The following RAD51B variants were observed in gnomAD, a reference collection of about 807,000 sequenced individuals.
RAD51B encodes the protein RAD51 paralog B, also known as DNA repair protein RAD51 homolog 2.
Under a neutral mutation model 42.2 loss-of-function variants are expected in RAD51B, and 38 were observed. That is an observed-to-expected ratio of 0.90 (90% CI 0.70 to 1.18). RAD51B has a LOEUF of 1.18. Among genes scored for constraint, RAD51B ranks in the 50% most tolerant of loss-of-function variants. RAD51B has a pLI of 0.00. For synonymous variants in RAD51B, 154 were observed against 145.2 expected, an observed-to-expected ratio of 1.06 and a Z score of -0.43; for missense variants, 373 against 400.7, an observed-to-expected ratio of 0.93 and a Z score of 0.59.
chr14:67,842,901 CA>C (rs2140311799), intron 4 of RAD51B, among the ~76,000 whole-genome samples: 1 of 152,266 alleles, frequency 6.6e-6, no homozygotes, highest in Admixed American at 6.5e-5. Context: ...ATTATGTTGA[CA>C]GCTTTTTCTG....
intron 10 of RAD51B, among the ~76,000 whole-genome samples, chr14:68,477,060 A>G (rs949968189): frequency 1.3e-5 from 2 of 152,176 alleles, no homozygotes; most frequent in Non-Finnish European, 2.9e-5. Flanking sequence ...AGGATAAATG[A>G]AGGCAGATGA....
intron 11 of RAD51B, among the ~76,000 whole-genome samples, chr14:68,668,663 G>A (rs1271956272): frequency 6.6e-6 from 1 of 152,236 alleles, no homozygotes; most frequent in Non-Finnish European, 1.5e-5. Flanking sequence ...AGAGCATAAA[G>A]GAATTATGAT....
At chr14:67,898,799 C>T (rs779777535) in intron 7 of RAD51B, among the ~76,000 whole-genome samples, 1 of 152,080 alleles carries the variant, frequency 6.6e-6, no homozygotes, top group Non-Finnish European at 1.5e-5. Flanking sequence ...TCAAGAGGCA[C>T]TTAATTAACT....
intron 10 of RAD51B, chr14:68,470,850 G>C (rs565691180): frequency 7.9e-6 from 3 of 381,058 alleles, no homozygotes; most frequent in African/African-American, 2.0e-5. Context: ...AGCTTTGTCC[G>C]ATCCTCCTAG....
At chr14:68,558,088 C>G (rs1888949991) in intron 10 of RAD51B, among the ~76,000 whole-genome samples, 1 of 152,356 alleles carries the variant, frequency 6.6e-6, no homozygotes, top group Admixed American at 6.5e-5. Context: ...TGTTCTCGTC[C>G]TCTCTCAGTC....
At chr14:68,225,100 C>CT (rs1284649819) in intron 7 of RAD51B, among the ~76,000 whole-genome samples, 1 of 152,066 alleles carries the variant, frequency 6.6e-6, no homozygotes, top group Non-Finnish European at 1.5e-5. Context: ...TTTAGAGAAA[C>CT]TTTTTTTCTA....
At chr14:68,500,056 T>C (rs1884810734) in intron 10 of RAD51B, among the ~76,000 whole-genome samples, 1 of 152,158 alleles carries the variant, frequency 6.6e-6, no homozygotes, top group African/African-American at 2.4e-5. Flanking sequence ...AGGTGAACTT[T>C]CCTAAACGTT....
chr14:68,337,048 T>C (rs978441329), intron 8 of RAD51B, among the ~76,000 whole-genome samples: 2 of 152,242 alleles, frequency 1.3e-5, no homozygotes, highest in African/African-American at 2.4e-5. Context: ...GGTGATTTCA[T>C]TTGTAGTTTA....
chr14:68,358,495 T>C lies in RAD51B; in HGVS notation c.854-52929T>C, dbSNP rs117518890. On this transcript the variant is annotated intron_variant, in intron 8 of 10. Transcript: ENST00000471583. ...CATGACCATCAGCAGTGTTTGTGAA[T>C]TATTGGTCCCCCACACTATTGCCTA... 1.4e-4 allele frequency among the ~76,000 whole-genome samples: 21 copies of C among 152,342 alleles called. No individual in the cohort carries two copies. In the East Asian group the frequency reaches 3.7e-3, roughly 27 times the overall value.
intron 8 of RAD51B, among the ~76,000 whole-genome samples, chr14:68,307,105 G>A (rs527891302): frequency 6.6e-6 from 1 of 152,084 alleles, no homozygotes; most frequent in East Asian, 1.9e-4. Flanking sequence ...GAGGCGGCTG[G>A]ACTGGTTTTT....
At chr14:68,349,640 A>G (rs1054264396) in intron 8 of RAD51B, among the ~76,000 whole-genome samples, 6 of 152,272 alleles carry the variant, frequency 3.9e-5, no homozygotes, top group Admixed American at 1.3e-4. Context: ...TGCTGGGATT[A>G]CAGGCATGAG....
At chr14:68,143,005 C>T (rs574701664) in intron 7 of RAD51B, among the ~76,000 whole-genome samples, 3 of 120,214 alleles carry the variant, frequency 2.5e-5, no homozygotes, top group South Asian at 2.3e-4. Flanking sequence ...AAAAAAGGCG[C>T]GGAGGGCGAG....
chr14:68,393,519 G>A (rs889386555), intron 8 of RAD51B, among the ~76,000 whole-genome samples: 1 of 152,164 alleles, frequency 6.6e-6, no homozygotes, highest in Non-Finnish European at 1.5e-5. Context: ...GCAGTGGCTG[G>A]GCTGCTGTTT....
intron 5 of RAD51B, among the ~76,000 whole-genome samples, chr14:67,873,215 T>A (rs1483910615): frequency 2.0e-5 from 3 of 152,076 alleles, no homozygotes; most frequent in Admixed American, 2.0e-4. Flanking sequence ...ATATCCAGAA[T>A]CTACAATGAA....
intron 7 of RAD51B, among the ~76,000 whole-genome samples, chr14:68,085,988 G>A (rs866296409): frequency 1.3e-5 from 2 of 152,192 alleles, no homozygotes; most frequent in African/African-American, 2.4e-5. Flanking sequence ...TAGTTTTGCC[G>A]TCTGTAGGCG....
chr14:68,338,967 T>C, intron 8 of RAD51B: 1 of 657,806 alleles, frequency 1.5e-6, no homozygotes, highest in Admixed American at 1.9e-5. Context: ...CAGTCTTGCC[T>C]TCCCCTTGAT....
chr14:68,559,600 G>A (rs886885459), intron 10 of RAD51B, among the ~76,000 whole-genome samples: 5 of 151,860 alleles, frequency 3.3e-5, no homozygotes, highest in African/African-American at 1.2e-4. Flanking sequence ...GGCTGGTCTC[G>A]AACTCCTGAC....
chr14:68,306,773 T>C (rs2081874295), intron 8 of RAD51B: 1 of 362,590 alleles, frequency 2.8e-6, no homozygotes, highest in South Asian at 2.2e-5. Flanking sequence ...GAGATTCCAG[T>C]GGGAAAGACC....
At position 68,211,005 on chromosome 14, in the gene RAD51B, T is replaced by C. The variant is rs1311432198; in HGVS notation, c.757-80879T>C. Among the ~76,000 whole-genome samples, 5 of 152,228 alleles carry C rather than the reference T, an allele frequency of 3.3e-5. 1 individual carries two copies. Among genetic ancestry groups the C allele is most frequent in the African/African-American group, 1.2e-4 (5 of 41,456 alleles). On this transcript the variant is annotated intron_variant, in intron 7 of 10. Coordinates refer to ENST00000471583, the MANE Select transcript of RAD51B (RefSeq NM_133510.4). ...ATGGTTTCACTTCATTTCCAGTCAC[T>C]TTCATTTTCAGGTTGTCAAGCTTCA...
Sources: gnomAD v4.1 joint callset for allele counts (sites outside exome capture counted in the v4.1 genomes callset) on GRCh38, gnomAD v4.1.1 for gene constraint, MANE v1.5 for transcripts, NCBI Gene and HGNC (gene_info 2026-07-23, HGNC 2026-07-21) for gene names.